The following LMBRD1 variants were observed in gnomAD, a reference collection of about 807,000 sequenced individuals.
The protein encoded by LMBRD1 is LMBR1 domain containing 1.
A neutral mutation model predicts 74.8 loss-of-function variants in LMBRD1; 64 were observed. That is an observed-to-expected ratio of 0.86 (90% CI 0.70 to 1.05). The LOEUF (loss-of-function observed/expected upper bound fraction) is 1.05. Ranked by LOEUF, LMBRD1 falls within the 50% of genes least tolerant of loss-of-function variation. LMBRD1 has a pLI of 0.00. For synonymous variants in LMBRD1, 204 were observed against 216.3 expected (o/e 0.94, Z 0.50); for missense variants, 652 against 645.9 (o/e 1.01, Z -0.10).
At chr6:69,677,536 G>A (rs1261184416) in intron 14 of LMBRD1, among the ~76,000 whole-genome samples, 1 of 152,120 alleles carries the variant, frequency 6.6e-6, no homozygotes. Flanking sequence ...AAGGGCAAGG[G>A]AAGGTTGAAA....
At chr6:69,745,415 T>C (rs1039602080) in intron 5 of LMBRD1, among the ~76,000 whole-genome samples, 2 of 151,012 alleles carry the variant, frequency 1.3e-5, no homozygotes, top group African/African-American at 2.4e-5. Context: ...CCCGCCACCG[T>C]GCCCGGCTAA....
intron 7 of LMBRD1, among the ~76,000 whole-genome samples, chr6:69,735,098 A>G (rs1178926600): frequency 6.6e-6 from 1 of 152,208 alleles, no homozygotes; most frequent in Non-Finnish European, 1.5e-5. Context: ...TTTATTTTAC[A>G]ATAATTTGCA....
chr6:69,696,833 CATGAATG>C (rs1766012476), intron 14 of LMBRD1, among the ~76,000 whole-genome samples: 1 of 152,066 alleles, frequency 6.6e-6, no homozygotes, highest in Admixed American at 6.6e-5. Context: ...TAATGGTATT[CATGAATG>C]ATTCACGCAG....
chr6:69,722,560 C>T (rs555678692), intron 7 of LMBRD1, among the ~76,000 whole-genome samples: 25 of 151,950 alleles, frequency 1.6e-4, no homozygotes, highest in East Asian at 7.7e-4. Context: ...TAAAATGTCA[C>T]GCTTCTATTT....
intron 4 of LMBRD1, among the ~76,000 whole-genome samples, chr6:69,749,872 G>A (rs1016592989): frequency 1.4e-5 from 2 of 139,828 alleles, no homozygotes; most frequent in Non-Finnish European, 3.1e-5. Flanking sequence ...ACATATATAA[G>A]TATATATACA....
intron 11 of LMBRD1, 87 bp from the exon 12 acceptor site, chr6:69,700,956 C>T: frequency 2.2e-6 from 2 of 902,536 alleles, no homozygotes; most frequent in East Asian, 3.1e-5. Context: ...CTTCATTATT[C>T]TCATCCGGCA....
chr6:69,787,321 C>T (rs12662657), intron 2 of LMBRD1, among the ~76,000 whole-genome samples: 51,823 of 151,920 alleles, frequency 0.34, 9,850 homozygotes, highest in East Asian at 0.54. Context: ...TAATCCTCAC[C>T]GAGCCGCCCA....
chr6:69,785,517 C>T (rs1461434388), intron 2 of LMBRD1, among the ~76,000 whole-genome samples: 2 of 152,200 alleles, frequency 1.3e-5, no homozygotes, highest in African/African-American at 2.4e-5. Flanking sequence ...CATGCACATG[C>T]CCTCTTATTC....
chr6:69,749,220 GGATT>G, intron 5 of LMBRD1, 117 bp downstream of exon 5: 1 of 767,102 alleles, frequency 1.3e-6, no homozygotes. Context: ...TTTAGAGAGT[GGATT>G]GTTCTTTTTT....
At chr6:69,777,399 G>A (rs143349010) in intron 3 of LMBRD1, among the ~76,000 whole-genome samples, 507 of 148,106 alleles carry the variant, frequency 3.4e-3, no homozygotes, top group African/African-American at 0.012. Context: ...GTTGCAGTGA[G>A]CCGAGACTGC....
At chr6:69,703,729 A>T (rs1333515784) in intron 9 of LMBRD1, among the ~76,000 whole-genome samples, 1 of 152,112 alleles carries the variant, frequency 6.6e-6, no homozygotes, top group African/African-American at 2.4e-5. Flanking sequence ...GCCAATTTTG[A>T]AATAAAAATT....
chr6:69,696,972 A>C (rs1400474219), intron 14 of LMBRD1, among the ~76,000 whole-genome samples: 2 of 151,994 alleles, frequency 1.3e-5, no homozygotes, highest in Non-Finnish European at 2.9e-5. Context: ...GAAATCCTTA[A>C]TAAGAATACT....
Position 69,675,946 on chromosome 6 carries a change from C to A in LMBRD1, c.*212G>T. 1.9e-6 allele frequency: 1 copy of A among 539,258 alleles called. No homozygotes were observed. Among genetic ancestry groups the A allele is most frequent in the Non-Finnish European group, 3.3e-6 (1 of 303,896 alleles). 33.4% of individuals were successfully genotyped at this position (539,258 alleles called of 1,614,324 possible). A position where few individuals can be genotyped will look rare whatever the true frequency, so the allele number is the denominator to read the frequency against. ...AACATTCCCTCACAAAGCCAGTAGT[C>A]TTATATTTACATAGCATGATTATGG... On this transcript the variant is annotated 3_prime_UTR_variant, in exon 16 of 16. Coordinates refer to ENST00000649934, the MANE Select transcript of LMBRD1 (RefSeq NM_018368.4).
At chr6:69,789,498 G>C (rs1190623059) in intron 2 of LMBRD1, among the ~76,000 whole-genome samples, 8 of 151,866 alleles carry the variant, frequency 5.3e-5, no homozygotes, top group African/African-American at 1.9e-4. Context: ...CTGTACTCCA[G>C]CCTGGGCAAC....
rs747354714 is a variant in LMBRD1 at position 69,713,730 on chromosome 6, C to T, written c.830G>A (p.Arg277Gln). 1.1e-5 allele frequency: 17 copies of T among 1,613,664 alleles called. No individual in the cohort carries two copies. In the Middle Eastern group the frequency reaches 6.6e-4, roughly 63 times the overall value. The change falls in exon 9 of 16, where the codon CGA (arginine) becomes CAA (glutamine). Residue 277 changes from arginine (R) to glutamine (Q), a missense_variant. By Grantham distance (43) the Arg-to-Gln change is conservative. Transcript: ENST00000649934. The part of the protein sequence containing the change: ...RALKQFEERL[R>Q]TLKKRERHLE... ...ATGCCTCTCTCTCTTCTTAAGTGTT[C>T]GTAACCTTTCTTCAAATTGTTTTAA...
intron 4 of LMBRD1, among the ~76,000 whole-genome samples, chr6:69,750,241 C>A (rs550108169): frequency 6.6e-6 from 1 of 151,350 alleles, no homozygotes; most frequent in South Asian, 2.1e-4. Flanking sequence ...TCATTTAATT[C>A]TCATAATAAC....
At chr6:69,772,701 G>A (rs1177399276) in intron 3 of LMBRD1, among the ~76,000 whole-genome samples, 1 of 152,088 alleles carries the variant, frequency 6.6e-6, no homozygotes, top group African/African-American at 2.4e-5. Flanking sequence ...ACAAGATTTT[G>A]TAAAAAGGAT....
chr6:69,751,119 C>T (rs1224437525), intron 4 of LMBRD1, among the ~76,000 whole-genome samples: 2 of 151,938 alleles, frequency 1.3e-5, no homozygotes, highest in Non-Finnish European at 2.9e-5. Context: ...CTATTAATTA[C>T]TATATATTAA....
At chr6:69,713,613 G>A (rs1408563319) in intron 9 of LMBRD1, 32 bp downstream of exon 9, 2 of 1,610,620 alleles carry the variant, frequency 1.2e-6, no homozygotes, top group Non-Finnish European at 8.5e-7. Flanking sequence ...TTGGGGAAGA[G>A]TGACAGCATA....
Sources: gnomAD v4.1 joint callset for allele counts (sites outside exome capture counted in the v4.1 genomes callset) on GRCh38, gnomAD v4.1.1 for gene constraint, MANE v1.5 for transcripts, NCBI Gene and HGNC (gene_info 2026-07-23, HGNC 2026-07-21) for gene names.